CREB5: variants seen among roughly 807,000 people sequenced by gnomAD.
CREB5 encodes cyclic AMP-responsive element-binding protein 5.
In CREB5, 19 loss-of-function variants were observed where a neutral mutation model predicts 57.1. The observed-to-expected ratio is 0.33, with a 90% confidence interval of 0.23 to 0.49. The LOEUF is 0.49. Ranked by LOEUF, CREB5 falls within the 20% of genes least tolerant of loss-of-function variation. The pLI, the probability that CREB5 is intolerant of heterozygous loss-of-function variation, is 0.99. For synonymous variants in CREB5, 238 were observed against 238.3 expected (o/e 1.00, Z 0.01); for missense variants, 579 against 671.6 (o/e 0.86, Z 1.52).
chr7:28,764,367 A>G (rs1401141053), intron 7 of CREB5, among the ~76,000 whole-genome samples: 1 of 151,836 alleles, frequency 6.6e-6, no homozygotes, highest in African/African-American at 2.4e-5. Flanking sequence ...TGTAAAAAAA[A>G]AAACTGACCC....
intron 5 of CREB5, among the ~76,000 whole-genome samples, chr7:28,692,544 G>A (rs902788252): frequency 1.3e-5 from 2 of 152,168 alleles, no homozygotes; most frequent in African/African-American, 2.4e-5. Context: ...CTTACTGGTT[G>A]TGTGACTTTG....
intron 5 of CREB5, among the ~76,000 whole-genome samples, chr7:28,664,781 C>A (rs556336016): frequency 1.3e-5 from 2 of 152,148 alleles, no homozygotes; most frequent in South Asian, 2.1e-4. Context: ...AAATGGACAG[C>A]CCTTTCATGT....
intron 5 of CREB5, among the ~76,000 whole-genome samples, chr7:28,600,029 G>T (rs1435922476): frequency 6.6e-6 from 1 of 152,056 alleles, no homozygotes; most frequent in African/African-American, 2.4e-5. Flanking sequence ...GTGTAGGAGT[G>T]GGAGTGTGGT....
intron 1 of CREB5, among the ~76,000 whole-genome samples, chr7:28,397,451 C>A (rs889581300): frequency 6.6e-6 from 1 of 152,214 alleles, no homozygotes; most frequent in Admixed American, 6.5e-5. Flanking sequence ...CTGGAGTAGA[C>A]AGCATCTCCC....
At chr7:28,560,835 T>TGCGTGCGCGTGCGTGTGC (rs1450019513) in intron 4 of CREB5, among the ~76,000 whole-genome samples, 6 of 59,746 alleles carry the variant, frequency 1.0e-4, no homozygotes, top group Non-Finnish European at 2.5e-4. Context: ...CGCGCGCGCG[T>TGCGTGCGCGTGCGTGTGC]GTGTGTGTGC....
intron 5 of CREB5, among the ~76,000 whole-genome samples, chr7:28,608,117 A>T (rs199580853): frequency 0.034 from 3,741 of 109,414 alleles, 83 homozygotes; most frequent in African/African-American, 0.085. Flanking sequence ...TCTCTCTCAC[A>T]CACACTCACA....
At chr7:28,343,724 A>G (rs1001189036) in intron 1 of CREB5, among the ~76,000 whole-genome samples, 3 of 152,212 alleles carry the variant, frequency 2.0e-5, no homozygotes, top group Admixed American at 1.3e-4. Context: ...TTTTGGATGT[A>G]TACCCAGTAG....
intron 1 of CREB5, among the ~76,000 whole-genome samples, chr7:28,351,891 C>A (rs1414454656): frequency 6.6e-6 from 1 of 152,142 alleles, no homozygotes; most frequent in Non-Finnish European, 1.5e-5. Flanking sequence ...GTGAAAGGGA[C>A]AAATGTAAAT....
intron 5 of CREB5, among the ~76,000 whole-genome samples, chr7:28,654,262 A>G (rs1450587108): frequency 1.3e-5 from 2 of 152,182 alleles, no homozygotes; most frequent in African/African-American, 4.8e-5. Context: ...CCCCTCTTCT[A>G]GTTCTCAGCT....
intron 4 of CREB5, among the ~76,000 whole-genome samples, chr7:28,538,090 G>T (rs1024157078): frequency 2.6e-5 from 4 of 152,116 alleles, no homozygotes; most frequent in African/African-American, 9.7e-5. Context: ...GTCTCCCTCT[G>T]TTGCCCAGGC....
chr7:28,585,159 C>T (rs879309646), intron 5 of CREB5, among the ~76,000 whole-genome samples: 1 of 152,196 alleles, frequency 6.6e-6, no homozygotes, highest in Non-Finnish European at 1.5e-5. Flanking sequence ...TTCTGAAGCA[C>T]ACACTTCTTG....
rs192703158 is a variant in CREB5, at chr7:28,763,614, C to T, written c.702+39282C>T. ...GTGCCTTGCCACTTTATAGCACAGA[C>T]CTGAACATAAGAAGGGCCCTTGAAT... On this transcript the variant is annotated intron_variant, in intron 7 of 10. Transcript: ENST00000357727. Among the ~76,000 whole-genome samples, 266 of 152,206 alleles carry T rather than the reference C, an allele frequency of 1.7e-3. 1 individual carries two copies. Among genetic ancestry groups the T allele is most frequent in the African/African-American group, 6.2e-3 (257 of 41,526 alleles).
intron 7 of CREB5, among the ~76,000 whole-genome samples, chr7:28,799,610 G>C (rs1808250578): frequency 6.6e-6 from 1 of 152,172 alleles, no homozygotes; most frequent in Admixed American, 6.5e-5. Flanking sequence ...ATTAAAGGTG[G>C]AAAAGTTGTT....
At chr7:28,750,106 T>G (rs1400641319) in intron 7 of CREB5, among the ~76,000 whole-genome samples, 1 of 152,198 alleles carries the variant, frequency 6.6e-6, no homozygotes, top group Non-Finnish European at 1.5e-5. Flanking sequence ...ATTTTTTCTT[T>G]TTTCCTTTAG....
intron 3 of CREB5, among the ~76,000 whole-genome samples, chr7:28,501,417 T>A (rs1792267686): frequency 6.6e-6 from 1 of 152,220 alleles, no homozygotes; most frequent in South Asian, 2.1e-4. Context: ...GTTGTCCGTT[T>A]CTCGTCCGTA....
rs868595023 is a variant in CREB5 at position 28,506,582 on chromosome 7, C to A, written c.170-1034C>A. 2.6e-5 allele frequency among the ~76,000 whole-genome samples: 4 copies of A among 152,290 alleles called. No homozygotes were observed. In the South Asian group the frequency reaches 8.3e-4, roughly 32 times the overall value. On this transcript the variant is annotated intron_variant, in intron 3 of 10. Coordinates refer to ENST00000357727, the MANE Select transcript of CREB5 (RefSeq NM_182898.4). ...ACCTTAAGCAAGACTGTTAATTACT[C>A]TGGGCCTCTGTTTTTCTGATCTGCA... is the stretch of plus-strand genomic sequence containing the variant.
chr7:28,668,809 T>C (rs1313116020), intron 5 of CREB5, among the ~76,000 whole-genome samples: 2 of 152,202 alleles, frequency 1.3e-5, no homozygotes, highest in South Asian at 4.1e-4. Context: ...CATTCAGTTT[T>C]ACCGGTGAGT....
At chr7:28,708,582 G>A (rs1027096696) in intron 5 of CREB5, among the ~76,000 whole-genome samples, 2 of 152,174 alleles carry the variant, frequency 1.3e-5, no homozygotes, top group African/African-American at 2.4e-5. Context: ...AGAGGCTGCC[G>A]GGAAGATCCA....
intron 4 of CREB5, among the ~76,000 whole-genome samples, chr7:28,551,878 C>CTTTCT (rs1248302929): frequency 6.7e-6 from 1 of 148,868 alleles, no homozygotes; most frequent in African/African-American, 2.5e-5. Context: ...CTTTTTCTTT[C>CTTTCT]TTTCTTTTCT....
Sources: allele counts gnomAD v4.1 joint callset (sites outside exome capture counted in the v4.1 genomes callset), GRCh38; gene constraint gnomAD v4.1.1; transcripts MANE v1.5; gene names NCBI Gene and HGNC (gene_info 2026-07-23, HGNC 2026-07-21).